The following TACR3 variants were observed in gnomAD, a reference collection of about 807,000 sequenced individuals.
The protein encoded by TACR3 is tachykinin receptor 3, also known as neuromedin-K receptor.
Under a neutral mutation model 35.0 loss-of-function variants are expected in TACR3, and 34 were observed. The observed-to-expected ratio is 0.97, with a 90% confidence interval of 0.74 to 1.30. The LOEUF (loss-of-function observed/expected upper bound fraction) is 1.30. TACR3 is among the 50% of genes most tolerant of loss of function. The pLI is 0.00. For synonymous variants in TACR3, 233 were observed against 221.1 expected, an observed-to-expected ratio of 1.05 and a Z score of -0.48; for missense variants, 558 against 591.7, an observed-to-expected ratio of 0.94 and a Z score of 0.59.
chr4:103,636,622 C>T (rs1475805895), intron 3 of TACR3, among the ~76,000 whole-genome samples: 3 of 151,964 alleles, frequency 2.0e-5, no homozygotes, highest in Admixed American at 6.6e-5. Context: ...ACACAAAAAA[C>T]CCTTCAAAAG....
chr4:103,645,638 G>T (rs1269138863), intron 3 of TACR3, among the ~76,000 whole-genome samples: 1 of 151,890 alleles, frequency 6.6e-6, no homozygotes, highest in Non-Finnish European at 1.5e-5. Flanking sequence ...GAAAAAAGGA[G>T]AATCAGACAT....
In TACR3 at chr4:103,669,566, G is replaced by A. The variant is rs145145925; in HGVS notation, c.549-11163C>T. 4.3e-3 allele frequency among the ~76,000 whole-genome samples: 657 copies of A among 152,016 alleles called. 4 individuals carry two copies. The highest frequency in any genetic ancestry group is 0.015 in the African/African-American group (627 of 41,458). On this transcript the variant is annotated intron_variant, in intron 1 of 4. Transcript: ENST00000304883. ...TGAGGTAACATGATATCTCATTGTG[G>A]CTTTAATTTACATTTCTTTGATGAT... is the stretch of plus-strand genomic sequence containing the variant.
At chr4:103,705,426 T>C (rs1203423469) in intron 1 of TACR3, among the ~76,000 whole-genome samples, 2 of 152,158 alleles carry the variant, frequency 1.3e-5, no homozygotes, top group Admixed American at 1.3e-4. Context: ...CCTTACTATG[T>C]TCAAACCAGT....
intron 1 of TACR3, among the ~76,000 whole-genome samples, chr4:103,702,447 T>C (rs1722675383): frequency 1.3e-5 from 2 of 152,180 alleles, no homozygotes; most frequent in African/African-American, 2.4e-5. Context: ...TTTTACACTG[T>C]TGGTGGGACT....
Position 103,589,386 on chromosome 4 carries a change from T to A in TACR3, c.*296A>T. 1 of 327,176 alleles carries A rather than the reference T, an allele frequency of 3.1e-6. No individual in the cohort carries two copies. Among genetic ancestry groups the A allele is most frequent in the Non-Finnish European group, 5.7e-6 (1 of 174,302 alleles). 20.3% of individuals were successfully genotyped at this position (327,176 alleles called of 1,614,324 possible). ...ACAAATGTATATTGCAATTTGTAAA[T>A]GAGATAGACTGGCGAGTTTACAAGT... On this transcript the variant is annotated 3_prime_UTR_variant, in exon 5 of 5. Transcript: ENST00000304883.
intron 1 of TACR3, among the ~76,000 whole-genome samples, chr4:103,698,694 A>T (rs938075590): frequency 7.2e-5 from 11 of 152,118 alleles, no homozygotes; most frequent in Admixed American, 7.2e-4. Context: ...TAATGAACTC[A>T]TACAGTCAAA....
chr4:103,680,924 C>T (rs1722057915), intron 1 of TACR3, among the ~76,000 whole-genome samples: 1 of 151,780 alleles, frequency 6.6e-6, no homozygotes, highest in African/African-American at 2.4e-5. Flanking sequence ...CAAAAGAAAA[C>T]TCTAATTATA....
At chr4:103,714,585 A>C (rs1195032462) in intron 1 of TACR3, among the ~76,000 whole-genome samples, 1 of 152,174 alleles carries the variant, frequency 6.6e-6, no homozygotes, top group African/African-American at 2.4e-5. Flanking sequence ...AATATGTAAC[A>C]GTTGATCTTA....
intron 3 of TACR3, among the ~76,000 whole-genome samples, chr4:103,650,279 T>A (rs1375706359): frequency 2.0e-5 from 3 of 151,580 alleles, no homozygotes; most frequent in Non-Finnish European, 1.5e-5. Flanking sequence ...GGAACTGCAT[T>A]GGGTCACACA....
chr4:103,610,408 T>C (rs1217321246), intron 3 of TACR3, among the ~76,000 whole-genome samples: 1 of 152,044 alleles, frequency 6.6e-6, no homozygotes, highest in African/African-American at 2.4e-5. Flanking sequence ...TACCTGTTAG[T>C]CCTTTGTATG....
Position 103,713,231 on chromosome 4 carries a change from T to C in TACR3, c.548+5897A>G, listed in dbSNP as rs186500560. Among the ~76,000 whole-genome samples, 902 of 152,072 alleles carry C rather than the reference T, an allele frequency of 5.9e-3. 7 individuals carry two copies. The highest frequency in any genetic ancestry group is 0.015 in the East Asian group (78 of 5,176). On this transcript the variant is annotated intron_variant, in intron 1 of 4. Transcript: ENST00000304883. Reference sequence around the variant, plus strand: ...CAAAGACTTGGAACCAACCCAAATGTCCATCAATGATAGACTGGATTAAGA... The same window carrying C: ...CAAAGACTTGGAACCAACCCAAATGCCCATCAATGATAGACTGGATTAAGA...
rs372292240 is a variant in TACR3, at chr4:103,591,543, C to T, written c.1029G>A (p.Trp343Ter). 9.9e-6 allele frequency: 16 copies of T among 1,613,752 alleles called. No homozygotes were observed. Among genetic ancestry groups the T allele is most frequent in the Non-Finnish European group, 1.4e-5 (16 of 1,179,844 alleles). ...TGTACATGGTTGAGCTCATTGCCAG[C>T]CAAAAGCTAGCCAGGTAGACCTGCT... is the stretch of plus-strand genomic sequence containing the variant. ...YIQQVYLASF[W>*]LAMSSTMYNP... The change falls in exon 4 of 5, where the codon TGG becomes TGA. Residue 343 changes from tryptophan to a stop codon, truncating the protein, a stop_gained. Transcript: ENST00000304883. LOFTEE classifies it high-confidence loss of function.
intron 3 of TACR3, among the ~76,000 whole-genome samples, chr4:103,622,541 C>G (rs1724805970): frequency 6.6e-6 from 1 of 152,096 alleles, no homozygotes; most frequent in Admixed American, 6.5e-5. Context: ...ACCATCCTGG[C>G]TAACACAGTG....
intron 1 of TACR3, among the ~76,000 whole-genome samples, chr4:103,714,704 A>G (rs1723048161): frequency 6.6e-6 from 1 of 152,142 alleles, no homozygotes; most frequent in Admixed American, 6.5e-5. Flanking sequence ...TAGAGTGCAG[A>G]GAAAGGATAT....
chr4:103,686,045 T>C (rs1471235465), intron 1 of TACR3, among the ~76,000 whole-genome samples: 1 of 152,194 alleles, frequency 6.6e-6, no homozygotes, highest in Non-Finnish European at 1.5e-5. Flanking sequence ...GGTTAAAACA[T>C]AGCAGTGTTA....
At chr4:103,697,040 A>G (rs1722535518) in intron 1 of TACR3, among the ~76,000 whole-genome samples, 1 of 152,078 alleles carries the variant, frequency 6.6e-6, no homozygotes, top group Non-Finnish European at 1.5e-5. Flanking sequence ...CTGCCTCCCA[A>G]AGCGCTGGGA....
chr4:103,608,342 T>C (rs1724433018), intron 3 of TACR3, among the ~76,000 whole-genome samples: 1 of 151,936 alleles, frequency 6.6e-6, no homozygotes, highest in African/African-American at 2.4e-5. Context: ...CACTTATAAG[T>C]GGAAGCTAAA....
In TACR3 at chr4:103,678,835, A is replaced by ATCTATAAGATTATTTTAT. The variant is rs1726228821; in HGVS notation, c.549-20450_549-20433dup. ...AGCTGCTTCTCTGTCCTCACACCAC[A>ATCTATAAGATTATTTTAT]TCTATAAGATTATTTTATTTTAATA... is the stretch of plus-strand genomic sequence containing the variant. On this transcript the variant is annotated intron_variant, in intron 1 of 4. Coordinates refer to ENST00000304883, the MANE Select transcript of TACR3 (RefSeq NM_001059.3). 2.6e-5 allele frequency among the ~76,000 whole-genome samples: 4 copies of ATCTATAAGATTATTTTAT among 151,514 alleles called. No homozygotes were observed. In the South Asian group the frequency reaches 8.3e-4, roughly 31 times the overall value.
At chr4:103,592,725 A>G (rs1723921484) in intron 3 of TACR3, among the ~76,000 whole-genome samples, 2 of 152,224 alleles carry the variant, frequency 1.3e-5, no homozygotes, top group Admixed American at 1.3e-4. Flanking sequence ...TAAAGGGCCT[A>G]TGAGGCACCT....
Sources: allele counts gnomAD v4.1 joint callset (sites outside exome capture counted in the v4.1 genomes callset), GRCh38; gene constraint gnomAD v4.1.1; transcripts MANE v1.5; gene names NCBI Gene and HGNC (gene_info 2026-07-23, HGNC 2026-07-21).